Variants in CELF2 observed in about 807,000 individuals in gnomAD.
CELF2 encodes the protein CUG triplet repeat RNA-binding protein 2.
Under a neutral mutation model 62.6 loss-of-function variants are expected in CELF2, and 8 were observed. The observed-to-expected ratio is 0.13, with a 90% CI of 0.07 to 0.23. The LOEUF is 0.23. CELF2 is among the 10% of genes least tolerant of loss of function. The pLI, the probability that CELF2 is intolerant of heterozygous loss-of-function variation, is 1.00. For missense variants in CELF2, 333 were observed against 671.0 expected, an observed-to-expected ratio of 0.50 and a Z score of 5.56; for synonymous variants, 258 against 250.0, an observed-to-expected ratio of 1.03 and a Z score of -0.30.
chr10:10,608,582 TC>T, the CELF2 span, among the ~76,000 whole-genome samples: 1 of 151,986 alleles, frequency 6.6e-6, no homozygotes, highest in Non-Finnish European at 1.5e-5. Flanking sequence ...TAAAACTCAA[TC>T]CAGGTTGAAT....
chr10:11,119,447 A>G (rs1750735), intron 1 of CELF2, among the ~76,000 whole-genome samples: 23,346 of 152,150 alleles, frequency 0.15, 2,976 homozygotes, highest in East Asian at 0.64. Flanking sequence ...AAGATTTTAA[A>G]CAGAAAAATA....
chr10:10,741,541 C>T, the CELF2 span, among the ~76,000 whole-genome samples: 3 of 141,824 alleles, frequency 2.1e-5, no homozygotes, highest in African/African-American at 7.7e-5. Context: ...TTGGAGAATA[C>T]TCATCGGTTG....
At chr10:10,794,181 C>T (rs546200410), upstream of CELF2, among the ~76,000 whole-genome samples, 13 of 152,280 alleles carry the variant, frequency 8.5e-5, no homozygotes, top group East Asian at 2.1e-3. Flanking sequence ...AGAGCAAGTG[C>T]TGGGGTTTTT....
intron 1 of CELF2, among the ~76,000 whole-genome samples, chr10:10,876,636 C>T (rs569679806): frequency 3.7e-4 from 56 of 152,206 alleles, no homozygotes; most frequent in Non-Finnish European, 5.9e-4. Flanking sequence ...AGATGTGCAA[C>T]GTCAAAATGC....
At chr10:10,596,067 C>G in the CELF2 span, among the ~76,000 whole-genome samples, 1 of 152,126 alleles carries the variant, frequency 6.6e-6, no homozygotes, top group African/African-American at 2.4e-5. Context: ...TGAATTCTTT[C>G]CTGGGAGAAG....
Position 11,217,560 on chromosome 10 carries a change from T to A in CELF2, c.354+53T>A. The A allele has an allele frequency of 3.6e-6, 5 of 1,374,090 alleles. No homozygotes were observed. Among genetic ancestry groups the A allele is most frequent in the Non-Finnish European group, 5.2e-6 (5 of 970,780 alleles). 85.1% of individuals were successfully genotyped at this position (1,374,090 alleles called of 1,614,324 possible). On this transcript the variant is annotated intron_variant, in intron 3 of 12. Coordinates refer to ENST00000633077, the MANE Select transcript of CELF2 (RefSeq NM_001326342.2). This position sits in a 1 kb window ranked among gnomAD's most constrained non-coding sequence, Gnocchi z 5.6. ...TCACTTTATTGCTTGAAAATGGTCC[T>A]TTCAACTGAAGGTTCTAGTTATGGG...
chr10:10,892,975 T>G (rs1011237803), intron 1 of CELF2, among the ~76,000 whole-genome samples: 1 of 152,214 alleles, frequency 6.6e-6, no homozygotes. Flanking sequence ...GTTGATATCA[T>G]TTTTTTGTCA....
intron 1 of CELF2, among the ~76,000 whole-genome samples, chr10:10,809,832 A>G (rs2131690103): frequency 6.6e-6 from 1 of 152,340 alleles, no homozygotes; most frequent in African/African-American, 2.4e-5. Context: ...ATATCTAGAA[A>G]ATATTAGTTT....
chr10:10,939,125 G>A (rs933160036), intron 2 of CELF2, among the ~76,000 whole-genome samples: 3 of 139,340 alleles, frequency 2.2e-5, no homozygotes, highest in Non-Finnish European at 4.6e-5. Flanking sequence ...TGTAGTGCTT[G>A]ATAATTAGCA....
At chr10:11,245,508 C>A (rs2075325713) in intron 3 of CELF2, among the ~76,000 whole-genome samples, 1 of 152,200 alleles carries the variant, frequency 6.6e-6, no homozygotes, top group Admixed American at 6.5e-5. Context: ...CATGGTCTGA[C>A]AATCCACGGC....
chr10:10,711,144 T>C, the CELF2 span, among the ~76,000 whole-genome samples: 34 of 152,274 alleles, frequency 2.2e-4, no homozygotes, highest in African/African-American at 8.2e-4. Flanking sequence ...CAAAACTCTC[T>C]CTGTCTCTAG....
At chr10:11,044,425 T>C (rs1354744582) in intron 1 of CELF2, among the ~76,000 whole-genome samples, 1 of 152,180 alleles carries the variant, frequency 6.6e-6, no homozygotes, top group African/African-American at 2.4e-5. Flanking sequence ...CCAACCTATT[T>C]TGGGTGAGCT....
the CELF2 span, among the ~76,000 whole-genome samples, chr10:10,483,874 C>T: frequency 6.6e-6 from 1 of 151,200 alleles, no homozygotes; most frequent in African/African-American, 2.5e-5. Flanking sequence ...TTCCTTCCCT[C>T]CTTCTCTCTC....
At chr10:11,149,499 T>C (rs1022334061) in intron 1 of CELF2, among the ~76,000 whole-genome samples, 31 of 152,210 alleles carry the variant, frequency 2.0e-4, no homozygotes, top group African/African-American at 5.8e-4. Context: ...AACGAATCTT[T>C]TCTATAAAGT....
chr10:10,568,974 C>T, the CELF2 span, among the ~76,000 whole-genome samples: 1 of 152,218 alleles, frequency 6.6e-6, no homozygotes, highest in Admixed American at 6.5e-5. Context: ...ATTCCTTCTC[C>T]TCCAACCTGT....
chr10:10,526,035 A>G, the CELF2 span, among the ~76,000 whole-genome samples: 4 of 152,164 alleles, frequency 2.6e-5, no homozygotes, highest in Non-Finnish European at 4.4e-5. Context: ...GTGATAGCTC[A>G]TTGTGGTTTT....
At chr10:11,036,393 C>A (rs1274928723) in intron 1 of CELF2, among the ~76,000 whole-genome samples, 1 of 152,200 alleles carries the variant, frequency 6.6e-6, no homozygotes, top group Non-Finnish European at 1.5e-5. Context: ...TTACTTTCTT[C>A]AGCCATTTAC....
chr10:11,329,599 T>C lies in CELF2; in HGVS notation c.*546T>C, dbSNP rs1394418585. The C allele has an allele frequency of 6.6e-6, 1 of 152,660 alleles. No homozygotes were observed. Among genetic ancestry groups the C allele is most frequent in the Non-Finnish European group, 1.5e-5 (1 of 68,038 alleles). The allele number at this position is 152,660 out of a possible 1,614,324, so 9.5% of individuals were successfully genotyped here. A position where few individuals can be genotyped will look rare whatever the true frequency, so the allele number is the denominator to read the frequency against. On this transcript the variant is annotated 3_prime_UTR_variant, in exon 13 of 13. Coordinates refer to ENST00000633077, the MANE Select transcript of CELF2 (RefSeq NM_001326342.2). The surrounding 1 kb of genome is among the most constrained non-coding windows in gnomAD (Gnocchi z 5.5). The stretch of plus-strand genomic sequence containing the variant: ...GAAGCACTTACTCCAACCACACGTC[T>C]TTCCACTACATCGGCTTGTTTTACT...
At chr10:10,949,922 G>C (rs115707820) in intron 2 of CELF2, among the ~76,000 whole-genome samples, 321 of 150,936 alleles carry the variant, frequency 2.1e-3, no homozygotes, top group African/African-American at 7.1e-3. Context: ...TTGTCTACCT[G>C]AGACACTCAC....
Sources: allele counts gnomAD v4.1 joint callset (sites outside exome capture counted in the v4.1 genomes callset), GRCh38; gene constraint gnomAD v4.1.1; non-coding constraint Gnocchi (gnomAD v3.1); transcripts MANE v1.5; gene names NCBI Gene and HGNC (gene_info 2026-07-23, HGNC 2026-07-21).